Variants in KLHL21 observed in about 807,000 individuals in gnomAD.
The protein encoded by KLHL21 is kelch-like protein 21.
In KLHL21, 42 loss-of-function variants were observed where a neutral mutation model predicts 44.1. The observed-to-expected ratio is 0.95, with a 90% CI of 0.74 to 1.23. The LOEUF (loss-of-function observed/expected upper bound fraction) is 1.23. Ranked by LOEUF, KLHL21 falls within the 50% of genes most tolerant of loss-of-function variation. The pLI is 0.00. For missense variants in KLHL21, 918 were observed against 889.1 expected (o/e 1.03, Z -0.41); for synonymous variants, 524 against 411.6 (o/e 1.27, Z -3.31).
chr1:6,593,368 G>C lies in KLHL21; in HGVS notation c.1791C>G (p.His597Gln), dbSNP rs769044711. 4 of 1,588,850 alleles carry C rather than the reference G, an allele frequency of 2.5e-6. No homozygotes were observed. The highest frequency in any genetic ancestry group is 1.7e-5 in the Admixed American group (1 of 58,160). Residue 597 changes from histidine to glutamine, a missense_variant, in exon 4 of 4, where the codon CAC becomes CAG. Physicochemically the swap from His to Gln is conservative, Grantham distance 24. Transcript: ENST00000377658. ...PRPPRDPDEL[H>Q] ...CCCGTGCCGGGCCAGACTGGGGCTA[G>C]TGCAGCTCATCGGGGTCCCGCGGCG...
intron 3 of KLHL21, chr1:6,595,035 G>C (rs113556488): frequency 3.0e-5 from 8 of 269,864 alleles, no homozygotes; most frequent in Non-Finnish European, 4.2e-5. Context: ...TCCAGCCTGG[G>C]TGACAGAGCA....
At position 6,602,109 on chromosome 1, in the gene KLHL21, G is replaced by T; in HGVS notation, c.709C>A (p.His237Asn). 6.8e-7 allele frequency: 1 copy of T among 1,469,042 alleles called. No individual in the cohort carries two copies. Among genetic ancestry groups the T allele is most frequent in the East Asian group, 2.8e-5 (1 of 36,162 alleles). The allele number at this position is 1,469,042 out of a possible 1,614,324, so 91.0% of individuals were successfully genotyped here. A position where few individuals can be genotyped will look rare whatever the true frequency, so the allele number is the denominator to read the frequency against. ...GCCACCAGCGGCTCGGCCTCGACGT[G>T]CGCCAACAGGTAGAAGCGGCGCACG... ...PFVRRFYLLAHVEAEPLVARC... is the reference protein window; with the variant it reads ...PFVRRFYLLANVEAEPLVARC... The change falls in exon 1 of 4, where the codon CAC becomes AAC. Residue 237 changes from histidine (H) to asparagine (N), a missense_variant. By Grantham distance (68) the His-to-Asn change is moderately conservative (BLOSUM62 1). Coordinates refer to ENST00000377658, the MANE Select transcript of KLHL21 (RefSeq NM_014851.4).
At chr1:6,598,107 A>C (rs1223078863) in intron 2 of KLHL21, among the ~76,000 whole-genome samples, 1 of 152,228 alleles carries the variant, frequency 6.6e-6, no homozygotes, top group East Asian at 1.9e-4. Flanking sequence ...CCTTAAACCC[A>C]AAGGAATGGA....
rs1307662970 is a variant in KLHL21, at chr1:6,595,558, C to G, written c.1428-1G>C. ...CACGTCCACCTCAGCGGAGTCATCC[C>G]TGTGGAGGGGGCAGCAGGAGGACAA... On this transcript the variant is annotated splice_acceptor_variant, in intron 2 of 3. Transcript: ENST00000377658. LOFTEE classifies it high-confidence loss of function. The G allele has an allele frequency of 6.2e-7, 1 of 1,613,220 alleles. No homozygotes were observed. The highest frequency in any genetic ancestry group is 8.5e-7 in the Non-Finnish European group (1 of 1,179,472).
At position 6,602,631 on chromosome 1, in the gene KLHL21, C is replaced by T; in HGVS notation, c.187G>A (p.Ala63Thr). ...TCGCGCAGCTGCCCCGCGAACATGG[C>T]GCGGAAGTAGGGGCTGGCGGCGGCC... ...VLAAASPYFR[A>T]MFAGQLRESR... Residue 63 changes from alanine to threonine, a missense_variant, in exon 1 of 4, where the codon GCC becomes ACC. Coordinates refer to ENST00000377658, the MANE Select transcript of KLHL21 (RefSeq NM_014851.4). 1 of 1,518,140 alleles carries T rather than the reference C, an allele frequency of 6.6e-7. No individual in the cohort carries two copies. The highest frequency in any genetic ancestry group is 1.2e-5 in the South Asian group (1 of 81,828). The allele number at this position is 1,518,140 out of a possible 1,614,324, so 94.0% of individuals were successfully genotyped here.
Position 6,602,835 on chromosome 1 carries a change from G to C in KLHL21, c.-18C>G, listed in dbSNP as rs962189537. 7.1e-7 allele frequency: 1 copy of C among 1,410,378 alleles called. No homozygotes were observed. The highest frequency in any genetic ancestry group is 3.0e-5 in the East Asian group (1 of 33,528). The allele number at this position is 1,410,378 out of a possible 1,614,324, so 87.4% of individuals were successfully genotyped here. ...CGCTCCATGGCGCCTTCGATAGGTT[G>C]TCGAGGACGCCGCGGCCGGGGCCTG... On this transcript the variant is annotated 5_prime_UTR_variant, in exon 1 of 4. Transcript: ENST00000377658.
rs1382149574 is a variant in KLHL21 at position 6,602,209 on chromosome 1, C to G, written c.609G>C (p.Leu203=). 3 of 1,516,986 alleles carry G rather than the reference C, an allele frequency of 2.0e-6. No homozygotes were observed. The Admixed American group carries it at 6.1e-5, about 31-fold the overall frequency. The allele number at this position is 1,516,986 out of a possible 1,614,324, so 94.0% of individuals were successfully genotyped here. ...PKEEAAYQLA[L]RWVRADPPRR... ...GCGGCGGGTCAGCGCGGACCCAGCGCAGCGCCAGCTGGTAGGCGGCCTCCT... is the reference window on the plus strand; with the variant it reads ...GCGGCGGGTCAGCGCGGACCCAGCGGAGCGCCAGCTGGTAGGCGGCCTCCT... Residue 203 remains leucine, a synonymous_variant, in exon 1 of 4, where the codon CTG becomes CTC. Transcript: ENST00000377658.
At chr1:6,600,820 A>G (rs57712857) in intron 1 of KLHL21, among the ~76,000 whole-genome samples, 4,430 of 152,312 alleles carry the variant, frequency 0.029, 197 homozygotes, top group African/African-American at 0.095. Flanking sequence ...GATTGGAAAG[A>G]GGCACAGATT....
In KLHL21 at chr1:6,590,891, A is replaced by G. The variant is rs534832979; in HGVS notation, c.*2474T>C. On this transcript the variant is annotated 3_prime_UTR_variant, in exon 4 of 4. Coordinates refer to ENST00000377658, the MANE Select transcript of KLHL21 (RefSeq NM_014851.4). ...CTGGAGGGAGGGCGTCCTTTATTAC[A>G]TACGCGTCTCTGAAGTCATATAAAT... is the stretch of plus-strand genomic sequence containing the variant. 22 of 398,614 alleles carry G rather than the reference A, an allele frequency of 5.5e-5. No homozygotes were observed. In the Admixed American group the frequency reaches 8.8e-4, roughly 16 times the overall value. 24.7% of individuals were successfully genotyped at this position (398,614 alleles called of 1,614,324 possible). A position where few individuals can be genotyped will look rare whatever the true frequency, so the allele number is the denominator to read the frequency against.
chr1:6,599,790 CTGGG>C, intron 1 of KLHL21: 2 of 266,536 alleles, frequency 7.5e-6, no homozygotes, highest in South Asian at 8.1e-5. Context: ...GACAGTTCTC[CTGGG>C]GAGCCACAGA....
At position 6,601,884 on chromosome 1, in the gene KLHL21, C is replaced by T; in HGVS notation, c.934G>A (p.Gly312Ser). 2 of 1,571,028 alleles carry T rather than the reference C, an allele frequency of 1.3e-6. No homozygotes were observed. The highest frequency in any genetic ancestry group is 1.7e-6 in the Non-Finnish European group (2 of 1,159,036). The change falls in exon 1 of 4, where the codon GGT (glycine) becomes AGT (serine). Residue 312 changes from glycine to serine, a missense_variant. Physicochemically the swap from Gly to Ser is moderately conservative, Grantham distance 56. Coordinates refer to ENST00000377658, the MANE Select transcript of KLHL21 (RefSeq NM_014851.4). ...VTVDCYNPQT[G>S]QWRYLAEFPD... The stretch of plus-strand genomic sequence containing the variant: ...AACTCGGCCAGGTAGCGCCACTGAC[C>T]CGTCTGCGGGTTGTAGCAGTCGACA...
At chr1:6,594,178 G>T in intron 3 of KLHL21, 1 of 672,434 alleles carries the variant, frequency 1.5e-6, no homozygotes, top group Non-Finnish European at 1.8e-6. Flanking sequence ...AAGCTGTGAG[G>T]CTGGATGTCA....
Position 6,602,823 on chromosome 1 carries a change from C to A in KLHL21, c.-6G>T. The A allele has an allele frequency of 7.0e-7, 1 of 1,426,732 alleles. No homozygotes were observed. Among genetic ancestry groups the A allele is most frequent in the East Asian group, 3.0e-5 (1 of 33,752 alleles). The allele number at this position is 1,426,732 out of a possible 1,614,324, so 88.4% of individuals were successfully genotyped here. A position where few individuals can be genotyped will look rare whatever the true frequency, so the allele number is the denominator to read the frequency against. Reference sequence around the variant, plus strand: ...AGGGGCGCCGGTCGCTCCATGGCGCCTTCGATAGGTTGTCGAGGACGCCGC... The same window carrying A: ...AGGGGCGCCGGTCGCTCCATGGCGCATTCGATAGGTTGTCGAGGACGCCGC... On this transcript the variant is annotated 5_prime_UTR_variant, in exon 1 of 4. In the 5' UTR this introduces an upstream ATG that the reference lacks. Coordinates refer to ENST00000377658, the MANE Select transcript of KLHL21 (RefSeq NM_014851.4).
chr1:6,598,017 C>A (rs1435558029), intron 2 of KLHL21, among the ~76,000 whole-genome samples: 2 of 152,270 alleles, frequency 1.3e-5, no homozygotes, highest in African/African-American at 4.8e-5. Context: ...CTGCTCCGTG[C>A]TGCTCAGCCT....
rs375665875 is a variant in KLHL21 at position 6,595,595 on chromosome 1, G to C, written c.1428-38C>G. On this transcript the variant is annotated intron_variant, in intron 2 of 3. Coordinates refer to ENST00000377658, the MANE Select transcript of KLHL21 (RefSeq NM_014851.4). ...CAGCAGGAGGACAACTGCTCAGAGC[G>C]AGGAGGAAGTGCACACATGCAGGGC... 22 of 1,573,700 alleles carry C rather than the reference G, an allele frequency of 1.4e-5. No homozygotes were observed. The African/African-American group carries it at 2.3e-4, about 16-fold the overall frequency.
chr1:6,595,098 G>T, intron 3 of KLHL21: 1 of 471,774 alleles, frequency 2.1e-6, no homozygotes, highest in Non-Finnish European at 3.7e-6. Flanking sequence ...TGCTGACTCT[G>T]CTCCGGCCAC....
rs754213607 is a variant in KLHL21 at position 6,602,677 on chromosome 1, G to A, written c.141C>T (p.Phe47=). Residue 47 remains phenylalanine (F), a synonymous_variant, in exon 1 of 4, where the codon TTC becomes TTT. Transcript: ENST00000377658. ...VTLEAAGGRD[F]PAHRAVLAAA... ...CGGCCAGCACCGCACGGTGCGCCGG[G>A]AAGTCGCGCCCGCCCGCCGCCTCCA... is the stretch of plus-strand genomic sequence containing the variant. 8.6e-6 allele frequency: 13 copies of A among 1,512,054 alleles called. No homozygotes were observed. Among genetic ancestry groups the A allele is most frequent in the African/African-American group, 2.9e-5 (2 of 69,344 alleles). 93.7% of individuals were successfully genotyped at this position (1,512,054 alleles called of 1,614,324 possible).
At chr1:6,595,063 T>TA in intron 3 of KLHL21, 1 of 343,672 alleles carries the variant, frequency 2.9e-6, no homozygotes, top group Non-Finnish European at 5.3e-6. Flanking sequence ...GTCTCAAAAA[T>TA]AAAAAAGGTA....
Position 6,590,892 on chromosome 1 carries a change from T to C in KLHL21, c.*2473A>G, listed in dbSNP as rs1376059477. On this transcript the variant is annotated 3_prime_UTR_variant, in exon 4 of 4. Coordinates refer to ENST00000377658, the MANE Select transcript of KLHL21 (RefSeq NM_014851.4). ...TGGAGGGAGGGCGTCCTTTATTACA[T>C]ACGCGTCTCTGAAGTCATATAAATA... The C allele has an allele frequency of 1.0e-5, 4 of 398,506 alleles. No individual in the cohort carries two copies. Among genetic ancestry groups the C allele is most frequent in the Non-Finnish European group, 1.8e-5 (4 of 226,064 alleles). The allele number at this position is 398,506 out of a possible 1,614,324, so 24.7% of individuals were successfully genotyped here.
Sources: allele counts gnomAD v4.1 joint callset (sites outside exome capture counted in the v4.1 genomes callset), GRCh38; gene constraint gnomAD v4.1.1; transcripts MANE v1.5; gene names NCBI Gene and HGNC (gene_info 2026-07-23, HGNC 2026-07-21).